CCDC93: variants seen among roughly 807,000 people sequenced by gnomAD.
The protein encoded by CCDC93 is CCC complex scaffolding subunit CCDC93.
Under a neutral mutation model 108.2 loss-of-function variants are expected in CCDC93, and 61 were observed. That is an observed-to-expected ratio of 0.56 (90% CI 0.46 to 0.70). The LOEUF is 0.70. Ranked by LOEUF, CCDC93 falls within the 30% of genes least tolerant of loss-of-function variation. The pLI, the probability that CCDC93 is intolerant of heterozygous loss-of-function variation, is 0.00. For missense variants in CCDC93, 685 were observed against 764.2 expected, an observed-to-expected ratio of 0.90 and a Z score of 1.22; for synonymous variants, 276 against 260.4, an observed-to-expected ratio of 1.06 and a Z score of -0.58.
intron 11 of CCDC93, among the ~76,000 whole-genome samples, chr2:117,961,813 C>T (rs558817326): frequency 3.9e-4 from 59 of 152,232 alleles, no homozygotes; most frequent in African/African-American, 1.1e-3. Flanking sequence ...AAATTTAAAC[C>T]GTAGAGCATC....
chr2:117,946,927 A>AG lies in CCDC93; in HGVS notation c.1225-46_1225-45insC, dbSNP rs1678892140. 5 of 1,338,882 alleles carry AG rather than the reference A, an allele frequency of 3.7e-6. No homozygotes were observed. In the Admixed American group the frequency reaches 8.4e-5, roughly 23 times the overall value. The allele number at this position is 1,338,882 out of a possible 1,614,324, so 82.9% of individuals were successfully genotyped here. A position where few individuals can be genotyped will look rare whatever the true frequency, so the allele number is the denominator to read the frequency against. The stretch of plus-strand genomic sequence containing the variant: ...TTTTACAAAATTCAGACAAGGAGTA[A>AG]TTAGACGCAATTATTCAACTATTTG... On this transcript the variant is annotated intron_variant, in intron 15 of 23. Coordinates refer to ENST00000376300, the MANE Select transcript of CCDC93 (RefSeq NM_019044.5).
chr2:117,991,744 A>AT lies in CCDC93; in HGVS notation c.519+3701_519+3702insA, dbSNP rs1680480211. On this transcript the variant is annotated intron_variant, in intron 6 of 23. Coordinates refer to ENST00000376300, the MANE Select transcript of CCDC93 (RefSeq NM_019044.5). ...CGCTGGGTCTAAAAACTAGGCATCT[A>AT]CATGTCTGACCTTATTTTATTCCTT... 5.9e-5 allele frequency among the ~76,000 whole-genome samples: 9 copies of AT among 152,242 alleles called. No homozygotes were observed. In the South Asian group the frequency reaches 1.9e-3, roughly 32 times the overall value.
intron 4 of CCDC93, chr2:117,999,425 T>C (rs1195107612): frequency 1.3e-5 from 2 of 152,220 alleles, no homozygotes; most frequent in Non-Finnish European, 2.9e-5. Flanking sequence ...TGTAAGGAAA[T>C]TACATTTCTC....
chr2:118,009,315 G>A (rs1676961479), intron 1 of CCDC93, among the ~76,000 whole-genome samples: 1 of 152,132 alleles, frequency 6.6e-6, no homozygotes, highest in African/African-American at 2.4e-5. Flanking sequence ...AAGTTGCAGT[G>A]AGCCAAGATC....
At chr2:117,924,745 C>A (rs1678016188) in intron 23 of CCDC93, among the ~76,000 whole-genome samples, 1 of 152,164 alleles carries the variant, frequency 6.6e-6, no homozygotes, top group Non-Finnish European at 1.5e-5. Flanking sequence ...TCTAGCAAGG[C>A]AGGCCAACAT....
At chr2:117,973,507 G>A (rs986533092) in intron 11 of CCDC93, among the ~76,000 whole-genome samples, 4 of 151,310 alleles carry the variant, frequency 2.6e-5, no homozygotes, top group East Asian at 1.9e-4. Flanking sequence ...ATTCTGCCTC[G>A]GGTTTGGCTG....
intron 12 of CCDC93, 74 bp downstream of exon 12, chr2:117,958,291 C>A: frequency 1.0e-6 from 1 of 953,590 alleles, no homozygotes; most frequent in Non-Finnish European, 1.7e-6. Context: ...AGTATGCCAA[C>A]CCCCGTTCTG....
chr2:117,952,977 A>G (rs1317568472), intron 12 of CCDC93, among the ~76,000 whole-genome samples: 1 of 152,242 alleles, frequency 6.6e-6, no homozygotes, highest in Non-Finnish European at 1.5e-5. Flanking sequence ...TTACTGTTCC[A>G]ACTTACATAA....
chr2:117,920,447 A>G (rs1285943492), intron 23 of CCDC93, 51 bp from the exon 24 acceptor site: 1 of 1,306,848 alleles, frequency 7.7e-7, no homozygotes, highest in African/African-American at 1.4e-5. Flanking sequence ...ATTAGCACCC[A>G]TGTGAGGCCA....
At position 117,958,424 on chromosome 2, in the gene CCDC93, G is replaced by T. The variant is rs746828863; in HGVS notation, c.946C>A (p.Arg316Ser). The T allele has an allele frequency of 1.2e-6, 2 of 1,613,724 alleles. No homozygotes were observed. Among genetic ancestry groups the T allele is most frequent in the African/African-American group, 1.3e-5 (1 of 74,918 alleles). Residue 316 changes from arginine to serine, a missense_variant, in exon 12 of 24, where the codon CGC becomes AGC. Physicochemically the swap from Arg to Ser is moderately radical, Grantham distance 110. Coordinates refer to ENST00000376300, the MANE Select transcript of CCDC93 (RefSeq NM_019044.5). Reference sequence around the variant, plus strand: ...TTGTTCAAGGAAATGACTTTCCGGCGATGTAGCTGGGAGGTTCCTAATTTT... The same window carrying T: ...TTGTTCAAGGAAATGACTTTCCGGCTATGTAGCTGGGAGGTTCCTAATTTT... ...PEKLGTSQLH[R>S]RKVISLNKQI...
In CCDC93 at chr2:117,919,018, T is replaced by G. The variant is rs1393466569; in HGVS notation, c.*1325A>C. ...TGACATGTTTAAGCTTTTGTGTTAC[T>G]GTGCAAACCTGCCACCTGGTATGTT... On this transcript the variant is annotated 3_prime_UTR_variant, in exon 24 of 24. Coordinates refer to ENST00000376300, the MANE Select transcript of CCDC93 (RefSeq NM_019044.5). 1.3e-5 allele frequency: 2 copies of G among 152,236 alleles called. No homozygotes were observed. The highest frequency in any genetic ancestry group is 1.3e-4 in the Admixed American group (2 of 15,288). 9.4% of individuals were successfully genotyped at this position (152,236 alleles called of 1,614,324 possible).
intron 19 of CCDC93, 108 bp downstream of exon 19, chr2:117,941,081 G>T: frequency 1.3e-6 from 1 of 754,026 alleles, no homozygotes. Flanking sequence ...TCCGGTGGTG[G>T]CCTTTGTGGA....
chr2:117,940,096 G>T (rs1233273752), intron 19 of CCDC93, among the ~76,000 whole-genome samples: 1 of 152,190 alleles, frequency 6.6e-6, no homozygotes, highest in East Asian at 1.9e-4. Context: ...CAGTCCAGAA[G>T]AAATAGACTT....
chr2:117,925,346 G>A (rs891584393), intron 23 of CCDC93, among the ~76,000 whole-genome samples: 2 of 152,132 alleles, frequency 1.3e-5, no homozygotes, highest in African/African-American at 4.8e-5. Flanking sequence ...AAAGAGTCAA[G>A]ACCCATCAGT....
chr2:117,960,122 C>A (rs1181620634), intron 11 of CCDC93, among the ~76,000 whole-genome samples: 1 of 152,142 alleles, frequency 6.6e-6, no homozygotes, highest in Non-Finnish European at 1.5e-5. Flanking sequence ...GTTTTAATAT[C>A]CAGCTTAGAT....
chr2:117,921,740 G>C (rs753736698), intron 23 of CCDC93: 1 of 152,108 alleles, frequency 6.6e-6, no homozygotes, highest in African/African-American at 2.4e-5. Context: ...TGACCACAAC[G>C]ACCTTGGTTT....
chr2:117,988,599 G>T (rs528023415), intron 6 of CCDC93, among the ~76,000 whole-genome samples: 1 of 152,116 alleles, frequency 6.6e-6, no homozygotes, highest in Non-Finnish European at 1.5e-5. Flanking sequence ...TATGTGTCCC[G>T]TCAGTAATTC....
intron 11 of CCDC93, among the ~76,000 whole-genome samples, chr2:117,964,752 C>G (rs771208110): frequency 2.2e-4 from 34 of 152,070 alleles, no homozygotes; most frequent in Non-Finnish European, 4.3e-4. Context: ...GTACATGTCA[C>G]TATACCCAAG....
At position 117,951,295 on chromosome 2, in the gene CCDC93, G is replaced by C. The variant is rs181572884; in HGVS notation, c.1068+1078C>G. 1.1e-4 allele frequency: 105 copies of C among 985,390 alleles called. No individual in the cohort carries two copies. In the African/African-American group the frequency reaches 1.7e-3, roughly 16 times the overall value. The allele number at this position is 985,390 out of a possible 1,614,324, so 61.0% of individuals were successfully genotyped here. A position where few individuals can be genotyped will look rare whatever the true frequency, so the allele number is the denominator to read the frequency against. The stretch of plus-strand genomic sequence containing the variant: ...GAACCCAGTCACAGAGCAATGTAAA[G>C]GAAGCTAATCTGTCCAAAGGCAAGG... On this transcript the variant is annotated intron_variant, in intron 13 of 23. Coordinates refer to ENST00000376300, the MANE Select transcript of CCDC93 (RefSeq NM_019044.5).
Sources: gnomAD v4.1 joint callset for allele counts (sites outside exome capture counted in the v4.1 genomes callset) on GRCh38, gnomAD v4.1.1 for gene constraint, MANE v1.5 for transcripts, NCBI Gene and HGNC (gene_info 2026-07-23, HGNC 2026-07-21) for gene names.